Variants in SEMA5B observed in about 807,000 individuals in gnomAD.
SEMA5B encodes the protein semaphorin-5B.
In SEMA5B, 66 loss-of-function variants were observed where a neutral mutation model predicts 135.0. The observed-to-expected ratio is 0.49, with a 90% CI of 0.40 to 0.60. The LOEUF is 0.60. Ranked by LOEUF, SEMA5B falls within the 20% of genes least tolerant of loss-of-function variation. The probability of loss-of-function intolerance (pLI) is 0.00; values close to 1 mark genes in which losing one functional copy is unlikely to be tolerated. For synonymous variants in SEMA5B, 690 were observed against 639.5 expected, an observed-to-expected ratio of 1.08 and a Z score of -1.19; for missense variants, 1,501 against 1,566.3, an observed-to-expected ratio of 0.96 and a Z score of 0.70.
intron 1 of SEMA5B, among the ~76,000 whole-genome samples, chr3:123,001,379 C>T (rs894199995): frequency 6.6e-6 from 1 of 152,062 alleles, no homozygotes; most frequent in African/African-American, 2.4e-5. Context: ...AGGAACCACC[C>T]CCACCCTGAC....
At chr3:123,020,425 G>GA (rs1189962528) in intron 1 of SEMA5B, among the ~76,000 whole-genome samples, 47 of 152,090 alleles carry the variant, frequency 3.1e-4, no homozygotes, top group Non-Finnish European at 4.4e-5. Flanking sequence ...TGCTTTTTAA[G>GA]AAAAAAATGA....
At chr3:122,914,372 A>C (rs1688557316) in intron 14 of SEMA5B, among the ~76,000 whole-genome samples, 1 of 152,082 alleles carries the variant, frequency 6.6e-6, no homozygotes, top group South Asian at 2.1e-4. Context: ...CAATCCTTGC[A>C]CTGTAACCAA....
At chr3:122,953,560 A>T (rs528245662) in intron 2 of SEMA5B, among the ~76,000 whole-genome samples, 1 of 152,302 alleles carries the variant, frequency 6.6e-6, no homozygotes. Flanking sequence ...GAAGGGAAGG[A>T]CAGGACATGA....
intron 1 of SEMA5B, among the ~76,000 whole-genome samples, chr3:122,973,478 AAAAAAG>A (rs1372311419): frequency 6.6e-6 from 1 of 152,160 alleles, no homozygotes; most frequent in Non-Finnish European, 1.5e-5. Context: ...TTTAGAGAGG[AAAAAAG>A]AAAATGAGTG....
chr3:122,981,749 G>A (rs963873807), intron 1 of SEMA5B, among the ~76,000 whole-genome samples: 8 of 152,182 alleles, frequency 5.3e-5, no homozygotes, highest in African/African-American at 1.2e-4. Flanking sequence ...AGGCTTCTCC[G>A]CTTCTCAGAG....
chr3:122,949,053 C>T (rs1939931266), intron 2 of SEMA5B, among the ~76,000 whole-genome samples: 1 of 152,122 alleles, frequency 6.6e-6, no homozygotes, highest in African/African-American at 2.4e-5. Flanking sequence ...AATGATAAAT[C>T]TGGATCCATA....
intron 1 of SEMA5B, among the ~76,000 whole-genome samples, chr3:123,026,146 A>T (rs941011168): frequency 3.3e-5 from 5 of 152,182 alleles, no homozygotes; most frequent in African/African-American, 1.2e-4. Context: ...GGTCGGATTC[A>T]CTAGGGGCTG....
chr3:122,973,288 G>A (rs1941195132), intron 1 of SEMA5B, among the ~76,000 whole-genome samples: 1 of 152,160 alleles, frequency 6.6e-6, no homozygotes, highest in African/African-American at 2.4e-5. Context: ...AGTGGCCCTG[G>A]GCCTCTAGTG....
rs1257598414 is a variant in SEMA5B, at chr3:122,922,268, C to G, written c.1452G>C (p.Thr484=). Residue 484 remains threonine (T), a synonymous_variant, in exon 11 of 23, where the codon ACG becomes ACC. Coordinates refer to ENST00000357599, the MANE Select transcript of SEMA5B (RefSeq NM_001031702.4). ...TGCCAATGTAGAGTACATGGTAGAGCGTGTCTTTAGCCTGCACCAGGTCCA... is the reference window on the plus strand; with the variant it reads ...TGCCAATGTAGAGTACATGGTAGAGGGTGTCTTTAGCCTGCACCAGGTCCA... ...LVVDLVQAKD[T]LYHVLYIGTE... 2 of 1,613,852 alleles carry G rather than the reference C, an allele frequency of 1.2e-6. No individual in the cohort carries two copies. Among genetic ancestry groups the G allele is most frequent in the Non-Finnish European group, 1.7e-6 (2 of 1,179,914 alleles).
At chr3:122,930,438 C>T (rs1299063902) in intron 5 of SEMA5B, among the ~76,000 whole-genome samples, 1 of 152,262 alleles carries the variant, frequency 6.6e-6, no homozygotes, top group Admixed American at 6.5e-5. Flanking sequence ...TACTCAGGAC[C>T]CATCAACTCC....
rs1216899002 is a variant in SEMA5B at position 122,910,980 on chromosome 3, G to C, written c.3157C>G (p.Leu1053Val). The change falls in exon 22 of 23, where the codon CTA (leucine) becomes GTA (valine). Residue 1053 changes from leucine (L) to valine (V), a missense_variant. Physicochemically the swap from Leu to Val is conservative, Grantham distance 32 (BLOSUM62 1). This residue lies in a region of SEMA5B where 927 missense variants were observed against 881.6 expected (regional missense o/e 1.05). Coordinates refer to ENST00000357599, the MANE Select transcript of SEMA5B (RefSeq NM_001031702.4). The stretch of plus-strand genomic sequence containing the variant: ...TGCTGGCAAGACAGGTACACTGCTA[G>C]GGTCAGGAGCCCAGAGCCCAAGAAG... ...SCFLGSGLLT[L>V]AVYLSCQHCQ... is the part of the protein sequence containing the mutation. 1.9e-6 allele frequency: 3 copies of C among 1,613,966 alleles called. No individual in the cohort carries two copies. In the Admixed American group the frequency reaches 5.0e-5, roughly 27 times the overall value.
At chr3:122,980,797 C>T (rs1017873160) in intron 1 of SEMA5B, among the ~76,000 whole-genome samples, 3 of 152,238 alleles carry the variant, frequency 2.0e-5, no homozygotes, top group Middle Eastern at 3.4e-3. Flanking sequence ...GAAACTCTAC[C>T]CATTAAACAG....
rs1354304316 is a variant in SEMA5B, at chr3:122,909,267, G to C, written c.*876C>G. 1 of 134,890 alleles carries C rather than the reference G, an allele frequency of 7.4e-6. No homozygotes were observed. Among genetic ancestry groups the C allele is most frequent in the East Asian group, 1.9e-4 (1 of 5,172 alleles). The allele number at this position is 134,890 out of a possible 1,614,324, so 8.4% of individuals were successfully genotyped here. On this transcript the variant is annotated 3_prime_UTR_variant, in exon 23 of 23. Transcript: ENST00000357599. ...TTTGTTGCTGTAGCAAATTGTGATT[G>C]TGTGTGCGTGTGTGAGTGTGTGTGT...
intron 1 of SEMA5B, among the ~76,000 whole-genome samples, chr3:122,986,008 C>T (rs748915332): frequency 2.0e-5 from 3 of 152,042 alleles, no homozygotes; most frequent in African/African-American, 4.8e-5. Context: ...AAGAATGGGG[C>T]TGATTAGATA....
rs939327410 is a variant in SEMA5B at position 122,917,017 on chromosome 3, C to A, written c.1689-1127G>T. ...TAATTTTTTAACAGAAAAATCTAAT[C>A]TCCACTAGTAGGACTTGAAAGGGGA... On this transcript the variant is annotated intron_variant, in intron 12 of 22. Coordinates refer to ENST00000357599, the MANE Select transcript of SEMA5B (RefSeq NM_001031702.4). 7.9e-5 allele frequency among the ~76,000 whole-genome samples: 12 copies of A among 152,334 alleles called. No individual in the cohort carries two copies. The East Asian group carries it at 9.6e-4, about 12-fold the overall frequency.
chr3:122,913,131 C>A, intron 17 of SEMA5B, 68 bp downstream of exon 17: 1 of 1,424,780 alleles, frequency 7.0e-7, no homozygotes, highest in South Asian at 1.5e-5. Flanking sequence ...CTCCCCGGGG[C>A]TCCCGCCCCC....
chr3:122,927,358 T>C (rs1439236387), intron 8 of SEMA5B, among the ~76,000 whole-genome samples: 3 of 152,128 alleles, frequency 2.0e-5, no homozygotes, highest in African/African-American at 4.8e-5. Context: ...GGCTGATTTA[T>C]TTTTTATTTT....
intron 1 of SEMA5B, among the ~76,000 whole-genome samples, chr3:122,981,408 A>G (rs1451204338): frequency 6.6e-6 from 1 of 152,222 alleles, no homozygotes; most frequent in Non-Finnish European, 1.5e-5. Context: ...GCCTTGGTTC[A>G]TGTGTGGCCA....
chr3:122,989,099 G>A (rs1226594957), intron 1 of SEMA5B, among the ~76,000 whole-genome samples: 1 of 152,208 alleles, frequency 6.6e-6, no homozygotes, highest in Non-Finnish European at 1.5e-5. Flanking sequence ...CTCCGCTAGA[G>A]GAAAACAATC....
Sources: allele counts gnomAD v4.1 joint callset (sites outside exome capture counted in the v4.1 genomes callset), GRCh38; gene constraint gnomAD v4.1.1; regional missense constraint gnomAD v4.1.1; transcripts MANE v1.5; gene names NCBI Gene and HGNC (gene_info 2026-07-23, HGNC 2026-07-21).